PPP1R13B: variants seen among roughly 807,000 people sequenced by gnomAD.
PPP1R13B encodes apoptosis-stimulating of p53 protein 1.
In PPP1R13B, 44 loss-of-function variants were observed where a neutral mutation model predicts 119.8. That is an observed-to-expected ratio of 0.37 (90% CI 0.29 to 0.47). The LOEUF (loss-of-function observed/expected upper bound fraction) is 0.47, where lower values mean the gene tolerates loss of function less well. Ranked by LOEUF, PPP1R13B falls within the 20% of genes least tolerant of loss-of-function variation. The pLI is 0.99. For missense variants in PPP1R13B, 1,227 were observed against 1,413.5 expected (o/e 0.87, Z 2.12); for synonymous variants, 542 against 561.5 (o/e 0.97, Z 0.49).
intron 1 of PPP1R13B, among the ~76,000 whole-genome samples, chr14:103,800,676 C>CA (rs1362156320): frequency 8.0e-5 from 12 of 150,550 alleles, no homozygotes; most frequent in South Asian, 6.4e-4. Context: ...AAACAAAAAA[C>CA]AAAAAAAAAG....
intron 1 of PPP1R13B, chr14:103,818,504 C>T (rs1157160683): frequency 1.2e-5 from 12 of 982,566 alleles, no homozygotes; most frequent in South Asian, 9.4e-5. Flanking sequence ...GGGAGAAGAA[C>T]GAATATTTTC....
intron 4 of PPP1R13B, among the ~76,000 whole-genome samples, chr14:103,775,704 T>C (rs2085171934): frequency 6.6e-6 from 1 of 152,198 alleles, no homozygotes; most frequent in Non-Finnish European, 1.5e-5. Flanking sequence ...GGGAGTTTTC[T>C]AGGCCCCACT....
At chr14:103,735,263 C>T in intron 16 of PPP1R13B, 68 bp from the exon 17 acceptor site, 1 of 1,525,138 alleles carries the variant, frequency 6.6e-7, no homozygotes, top group Admixed American at 1.7e-5. Context: ...CCAGACCCGA[C>T]CCCTGCTCCT....
At chr14:103,805,503 C>G (rs118164323) in intron 1 of PPP1R13B, among the ~76,000 whole-genome samples, 1 of 151,582 alleles carries the variant, frequency 6.6e-6, no homozygotes, top group African/African-American at 2.4e-5. Flanking sequence ...CTCAGGAGGT[C>G]AAAGCTGCAG....
chr14:103,823,202 G>A (rs1318954526), intron 1 of PPP1R13B, among the ~76,000 whole-genome samples: 1 of 152,026 alleles, frequency 6.6e-6, no homozygotes, highest in Non-Finnish European at 1.5e-5. Context: ...GCTGGGCGTG[G>A]TGGCGGGTGC....
intron 2 of PPP1R13B, among the ~76,000 whole-genome samples, chr14:103,788,038 A>T (rs1195027137): frequency 6.6e-6 from 1 of 151,832 alleles, no homozygotes; most frequent in Non-Finnish European, 1.5e-5. Flanking sequence ...GCTTGAGCCC[A>T]GGAGGTTGAA....
intron 1 of PPP1R13B, among the ~76,000 whole-genome samples, chr14:103,816,475 T>C (rs1388176358): frequency 6.7e-6 from 1 of 149,486 alleles, no homozygotes; most frequent in Admixed American, 6.7e-5. Flanking sequence ...TCAGCTGAGG[T>C]CGGGAGTTCG....
chr14:103,747,518 CTTTTT>C (rs199505184), intron 8 of PPP1R13B: 1 of 148,478 alleles, frequency 6.7e-6, no homozygotes, highest in African/African-American at 2.5e-5. Context: ...ATGAGATTAA[CTTTTT>C]TTTTTTAATT....
At chr14:103,811,094 C>CAAAAAAAAAAAAAAAAAAAAAAAAAAAAA (rs36017203) in intron 1 of PPP1R13B, among the ~76,000 whole-genome samples, 2 of 65,844 alleles carry the variant, frequency 3.0e-5, no homozygotes, top group African/African-American at 1.1e-4. Flanking sequence ...GACTCCTCCT[C>CAAAAAAAAAAAAAAAAAAAAAAAAAAAAA]AAAAAAAAAA....
At chr14:103,781,116 T>C (rs2085326973) in intron 3 of PPP1R13B, among the ~76,000 whole-genome samples, 1 of 152,050 alleles carries the variant, frequency 6.6e-6, no homozygotes, top group African/African-American at 2.4e-5. Flanking sequence ...TTCCAAACTT[T>C]ATAAAGTGAG....
At chr14:103,768,695 A>G (rs2084994587) in intron 4 of PPP1R13B, among the ~76,000 whole-genome samples, 1 of 152,138 alleles carries the variant, frequency 6.6e-6, no homozygotes, top group African/African-American at 2.4e-5. Context: ...TCAGCCTCCC[A>G]AAGTGCTGGG....
At chr14:103,764,757 T>C (rs1200678183) in intron 4 of PPP1R13B, among the ~76,000 whole-genome samples, 1 of 152,226 alleles carries the variant, frequency 6.6e-6, no homozygotes, top group Non-Finnish European at 1.5e-5. Context: ...TAAAATATTT[T>C]CCTATTCTCT....
intron 5 of PPP1R13B, 78 bp downstream of exon 5, chr14:103,757,572 A>G (rs2084708169): frequency 3.8e-6 from 5 of 1,322,744 alleles, no homozygotes; most frequent in Non-Finnish European, 5.4e-6. Flanking sequence ...ACCCAAGAAT[A>G]TATTAACCCC....
chr14:103,804,138 GGACAA>G, intron 1 of PPP1R13B: 1 of 780,406 alleles, frequency 1.3e-6, no homozygotes. Flanking sequence ...TAGACCATAA[GGACAA>G]TACTTGTGTT....
chr14:103,782,686 A>C (rs1311138158), intron 3 of PPP1R13B, among the ~76,000 whole-genome samples: 1 of 152,178 alleles, frequency 6.6e-6, no homozygotes, highest in Non-Finnish European at 1.5e-5. Context: ...TAGTATTTCA[A>C]GATAGTTTTC....
chr14:103,827,697 A>G (rs1225035800), intron 1 of PPP1R13B, among the ~76,000 whole-genome samples: 2 of 150,698 alleles, frequency 1.3e-5, no homozygotes, highest in Non-Finnish European at 3.0e-5. Context: ...TATATCATTA[A>G]CCATAAAGCT....
intron 1 of PPP1R13B, among the ~76,000 whole-genome samples, chr14:103,822,672 G>C (rs1304883817): frequency 6.6e-6 from 1 of 151,726 alleles, no homozygotes; most frequent in Non-Finnish European, 1.5e-5. Flanking sequence ...AATTAACCAG[G>C]TGTGGTGGCG....
In PPP1R13B at chr14:103,734,342, C is replaced by T; in HGVS notation, c.*812G>A. On this transcript the variant is annotated 3_prime_UTR_variant, in exon 17 of 17. Coordinates refer to ENST00000202556, the MANE Select transcript of PPP1R13B (RefSeq NM_015316.3). Reference sequence around the variant, plus strand: ...CACCCCCAGCCCCAACCCCAACCACCCTCCGCTGCCACGGCCTCCAGCACC... The same window carrying T: ...CACCCCCAGCCCCAACCCCAACCACTCTCCGCTGCCACGGCCTCCAGCACC... The T allele has an allele frequency of 5.4e-6, 2 of 373,282 alleles. No homozygotes were observed. The highest frequency in any genetic ancestry group is 1.1e-5 in the Non-Finnish European group (2 of 185,496). 23.1% of individuals were successfully genotyped at this position (373,282 alleles called of 1,614,324 possible).
chr14:103,834,620 C>T (rs527672803), intron 1 of PPP1R13B, among the ~76,000 whole-genome samples: 14 of 95,562 alleles, frequency 1.5e-4, no homozygotes, highest in African/African-American at 5.5e-4. Flanking sequence ...GACCGAGTTT[C>T]GCTCTTGTTG....
Sources: allele counts gnomAD v4.1 joint callset (sites outside exome capture counted in the v4.1 genomes callset), GRCh38; gene constraint gnomAD v4.1.1; transcripts MANE v1.5; gene names NCBI Gene and HGNC (gene_info 2026-07-23, HGNC 2026-07-21).